Variants in SLC38A1 observed in about 807,000 individuals in gnomAD.
SLC38A1 encodes solute carrier family 38 member 1.
In SLC38A1, 18 loss-of-function variants were observed where a neutral mutation model predicts 60.3. The ratio of observed to expected loss-of-function variants is 0.30; its 90% CI spans 0.21 to 0.44. The LOEUF (loss-of-function observed/expected upper bound fraction) is 0.44. Ranked by LOEUF, SLC38A1 falls within the 20% of genes least tolerant of loss-of-function variation. The probability of loss-of-function intolerance (pLI) is 1.00; values close to 1 mark genes in which losing one functional copy is unlikely to be tolerated. For missense variants in SLC38A1, 448 were observed against 587.2 expected (o/e 0.76, Z 2.45); for synonymous variants, 196 against 212.1 (o/e 0.92, Z 0.66).
chr12:46,257,566 G>T (rs1003982622), intron 1 of SLC38A1, among the ~76,000 whole-genome samples: 1 of 151,974 alleles, frequency 6.6e-6, no homozygotes. Flanking sequence ...AGGCTTCTTC[G>T]GTATTGTACC....
rs766949289 is a variant in SLC38A1, at chr12:46,268,927, G to T, written c.-610C>A. On this transcript the variant is annotated 5_prime_UTR_variant, in exon 1 of 17. Coordinates refer to ENST00000398637, the MANE Select transcript of SLC38A1 (RefSeq NM_030674.4). The surrounding 1 kb of genome is among the most constrained non-coding windows in gnomAD (Gnocchi z 4.4). Reference sequence around the variant, plus strand: ...TCATTCTCCTACTGGGGGACGCGTGGCCCTTCCGCAACCATGGCTTGTGAT... The same window carrying T: ...TCATTCTCCTACTGGGGGACGCGTGTCCCTTCCGCAACCATGGCTTGTGAT... 2.2e-6 allele frequency: 1 copy of T among 455,064 alleles called. No homozygotes were observed. The highest frequency in any genetic ancestry group is 1.6e-5 in the South Asian group (1 of 64,374). 28.2% of individuals were successfully genotyped at this position (455,064 alleles called of 1,614,324 possible). A position where few individuals can be genotyped will look rare whatever the true frequency, so the allele number is the denominator to read the frequency against.
At chr12:46,264,844 G>C (rs372833129) in intron 1 of SLC38A1, among the ~76,000 whole-genome samples, 2 of 151,816 alleles carry the variant, frequency 1.3e-5, no homozygotes, top group Non-Finnish European at 2.9e-5. Context: ...TGTCTTTTTC[G>C]AAGTCTGTCA....
chr12:46,256,143 G>T (rs1942013540), intron 1 of SLC38A1, among the ~76,000 whole-genome samples: 1 of 144,792 alleles, frequency 6.9e-6, no homozygotes, highest in Non-Finnish European at 1.5e-5. Flanking sequence ...TCCAGCCTGG[G>T]CAACAGAGAG....
intron 1 of SLC38A1, among the ~76,000 whole-genome samples, chr12:46,261,633 TA>T (rs1469380444): frequency 2.6e-5 from 4 of 152,256 alleles, no homozygotes; most frequent in African/African-American, 9.6e-5. Context: ...TCATTAAGTT[TA>T]CCACCTGATC....
chr12:46,206,689 AGT>A (rs1939919558), intron 8 of SLC38A1, among the ~76,000 whole-genome samples: 1 of 152,230 alleles, frequency 6.6e-6, no homozygotes, highest in African/African-American at 2.4e-5. Flanking sequence ...AACAAGAGGG[AGT>A]CAAAACACAA....
intron 5 of SLC38A1, among the ~76,000 whole-genome samples, chr12:46,221,006 A>G (rs1940636498): frequency 6.6e-6 from 1 of 152,148 alleles, no homozygotes; most frequent in Admixed American, 6.6e-5. Context: ...ATTGTAAAAC[A>G]CTAAATTTAA....
intron 3 of SLC38A1, among the ~76,000 whole-genome samples, chr12:46,237,549 C>G (rs1329656256): frequency 6.6e-6 from 1 of 151,812 alleles, no homozygotes. Context: ...CAAAAGCCAA[C>G]AGACCTCCCT....
At chr12:46,205,330 T>C (rs1387732115) in intron 9 of SLC38A1, among the ~76,000 whole-genome samples, 1 of 152,102 alleles carries the variant, frequency 6.6e-6, no homozygotes, top group Non-Finnish European at 1.5e-5. Flanking sequence ...ACAGAACAAC[T>C]ACAGAGCTGT....
At position 46,256,056 on chromosome 12, in the gene SLC38A1, C is replaced by T. The variant is rs574503292; in HGVS notation, c.-209+12470G>A. 3.6e-4 allele frequency among the ~76,000 whole-genome samples: 54 copies of T among 151,194 alleles called. 1 individual carries two copies. In the South Asian group the frequency reaches 8.8e-3, roughly 25 times the overall value. On this transcript the variant is annotated intron_variant, in intron 1 of 16. Coordinates refer to ENST00000398637, the MANE Select transcript of SLC38A1 (RefSeq NM_030674.4). ...GTGGCAGGCGCCTGTAGTCCAGCTA[C>T]TTGGGAGGCTGAGGCAGGAGAATGG... is the stretch of plus-strand genomic sequence containing the variant.
At chr12:46,259,924 C>G (rs73280714) in intron 1 of SLC38A1, among the ~76,000 whole-genome samples, 2,232 of 152,250 alleles carry the variant, frequency 0.015, 53 homozygotes, top group African/African-American at 0.05. Flanking sequence ...GCCACCACTC[C>G]CCTGAAATCA....
intron 1 of SLC38A1, among the ~76,000 whole-genome samples, chr12:46,264,855 C>A (rs1346710064): frequency 3.9e-5 from 6 of 152,200 alleles, no homozygotes; most frequent in Non-Finnish European, 8.8e-5. Flanking sequence ...AAGTCTGTCA[C>A]ACATTCTTCA....
chr12:46,247,925 C>A (rs902116356), intron 1 of SLC38A1, among the ~76,000 whole-genome samples: 8 of 152,136 alleles, frequency 5.3e-5, no homozygotes, highest in Non-Finnish European at 1.2e-4. Flanking sequence ...ATTTCATATC[C>A]AGCGAAACTA....
intron 5 of SLC38A1, among the ~76,000 whole-genome samples, chr12:46,227,938 CAG>C (rs1940928654): frequency 6.6e-6 from 1 of 152,114 alleles, no homozygotes. Flanking sequence ...CTACTATCCT[CAG>C]AGAGTCAGAA....
chr12:46,233,721 T>C (rs1941159055), intron 3 of SLC38A1, among the ~76,000 whole-genome samples: 1 of 152,240 alleles, frequency 6.6e-6, no homozygotes, highest in African/African-American at 2.4e-5. Flanking sequence ...GCTATTTTAA[T>C]GAGTAACCGT....
At chr12:46,242,036 G>A (rs2138348854) in intron 2 of SLC38A1, among the ~76,000 whole-genome samples, 1 of 152,172 alleles carries the variant, frequency 6.6e-6, no homozygotes, top group African/African-American at 2.4e-5. Context: ...ACATATGTAT[G>A]TATATATATG....
chr12:46,210,996 C>T (rs985510226), intron 5 of SLC38A1, among the ~76,000 whole-genome samples: 6 of 152,112 alleles, frequency 3.9e-5, no homozygotes, highest in Middle Eastern at 3.2e-3. Flanking sequence ...TTCTGAGATA[C>T]GTAATGGAAC....
chr12:46,229,079 T>A, intron 5 of SLC38A1, 74 bp downstream of exon 5: 4 of 781,698 alleles, frequency 5.1e-6, no homozygotes, highest in Non-Finnish European at 8.3e-6. Context: ...TATTTCACAT[T>A]TCTTCTATGT....
chr12:46,237,033 C>T (rs1941283615), intron 3 of SLC38A1, among the ~76,000 whole-genome samples: 1 of 152,186 alleles, frequency 6.6e-6, no homozygotes, highest in Non-Finnish European at 1.5e-5. Context: ...TCTGAATGCT[C>T]AAATGACTCC....
chr12:46,190,593 G>A (rs183156968), intron 16 of SLC38A1, among the ~76,000 whole-genome samples: 10 of 152,262 alleles, frequency 6.6e-5, no homozygotes, highest in Non-Finnish European at 8.8e-5. Context: ...CCTCTCCAGC[G>A]TCTGTTGTCT....
Sources: allele counts gnomAD v4.1 joint callset (sites outside exome capture counted in the v4.1 genomes callset), GRCh38; gene constraint gnomAD v4.1.1; non-coding constraint Gnocchi (gnomAD v3.1); transcripts MANE v1.5; gene names NCBI Gene and HGNC (gene_info 2026-07-23, HGNC 2026-07-21).